DTWD2: variants seen among roughly 807,000 people sequenced by gnomAD.
The protein encoded by DTWD2 is tRNA-uridine aminocarboxypropyltransferase 2.
In DTWD2, 39 loss-of-function variants were observed where a neutral mutation model predicts 31.8. The observed-to-expected ratio is 1.22, with a 90% CI of 0.95 to 1.60. The LOEUF is 1.60. Among genes scored for constraint, DTWD2 ranks in the 40% most tolerant of loss-of-function variants. The pLI, the probability that DTWD2 is intolerant of heterozygous loss-of-function variation, is 0.00. For synonymous variants in DTWD2, 180 were observed against 142.8 expected, an observed-to-expected ratio of 1.26 and a Z score of -1.86; for missense variants, 515 against 381.5, an observed-to-expected ratio of 1.35 and a Z score of -2.92.
intron 4 of DTWD2, among the ~76,000 whole-genome samples, chr5:118,868,772 G>A (rs989575322): frequency 6.7e-5 from 10 of 150,326 alleles, no homozygotes; most frequent in Admixed American, 2.7e-4. Context: ...CTGGGAAGTC[G>A]AGGCTGCAGT....
chr5:118,891,510 G>A (rs1258544101), intron 4 of DTWD2, among the ~76,000 whole-genome samples: 1 of 152,116 alleles, frequency 6.6e-6, no homozygotes, highest in African/African-American at 2.4e-5. Flanking sequence ...ATACACTGCT[G>A]CTCACAGCCT....
intron 4 of DTWD2, among the ~76,000 whole-genome samples, chr5:118,875,563 G>GAAAAAAAAAAAAAAAAAAAAAAAAAATAA (rs34990814): frequency 2.2e-5 from 1 of 44,554 alleles, no homozygotes; most frequent in East Asian, 7.4e-4. Flanking sequence ...CCTAGTTTCT[G>GAAAAAAAAAAAAAAAAAAAAAAAAAATAA]AAAAAAAAAA....
intron 4 of DTWD2, among the ~76,000 whole-genome samples, chr5:118,860,488 T>G (rs1021606346): frequency 6.6e-6 from 1 of 152,126 alleles, no homozygotes; most frequent in African/African-American, 2.4e-5. Context: ...TTTGCTATTT[T>G]AAGAAAAATA....
rs116063161 is a variant in DTWD2 at position 118,895,794 on chromosome 5, G to C, written c.597+32743C>G. Among the ~76,000 whole-genome samples, 794 of 152,120 alleles carry C rather than the reference G, an allele frequency of 5.2e-3. 9 individuals are homozygous for C. Among genetic ancestry groups the C allele is most frequent in the African/African-American group, 0.018 (753 of 41,508 alleles). On this transcript the variant is annotated intron_variant, in intron 4 of 5. Coordinates refer to ENST00000510708, the MANE Select transcript of DTWD2 (RefSeq NM_173666.4). ...CAGTCTCTTTAATAAATGGTGATGG[G>C]AAAACTGGATATCCACATGCAGAAG...
chr5:118,900,588 T>C (rs966440835), intron 4 of DTWD2, among the ~76,000 whole-genome samples: 8 of 152,162 alleles, frequency 5.3e-5, no homozygotes, highest in Non-Finnish European at 1.0e-4. Context: ...ATAGACTGGA[T>C]AACAGAGCTA....
chr5:118,888,773 T>C (rs1482223381), intron 4 of DTWD2, among the ~76,000 whole-genome samples: 1 of 152,234 alleles, frequency 6.6e-6, no homozygotes, highest in Non-Finnish European at 1.5e-5. Flanking sequence ...ACACATGGCA[T>C]GACAGCTTTT....
At chr5:118,988,174 G>A (rs1755472243) in intron 1 of DTWD2, 120 bp downstream of exon 1, 3 of 1,265,648 alleles carry the variant, frequency 2.4e-6, no homozygotes, top group African/African-American at 2.9e-5. Context: ...ACGTGCACCC[G>A]CCAACTCCGC....
At chr5:118,854,262 T>G (rs1037844572) in intron 4 of DTWD2, among the ~76,000 whole-genome samples, 2 of 152,162 alleles carry the variant, frequency 1.3e-5, no homozygotes, top group African/African-American at 4.8e-5. Context: ...ATGTCATGCT[T>G]ATCTAATCCT....
chr5:118,864,387 G>T (rs889453688), intron 4 of DTWD2, among the ~76,000 whole-genome samples: 7 of 151,372 alleles, frequency 4.6e-5, no homozygotes, highest in Admixed American at 1.3e-4. Flanking sequence ...TTGTGGGGTG[G>T]GGGGAAGGAG....
intron 5 of DTWD2, among the ~76,000 whole-genome samples, chr5:118,841,898 A>G (rs1439405845): frequency 6.6e-6 from 1 of 152,224 alleles, no homozygotes; most frequent in Non-Finnish European, 1.5e-5. Flanking sequence ...TTAATTAAAC[A>G]GATTGTTAAA....
chr5:118,873,697 G>A (rs1343650753), intron 4 of DTWD2, among the ~76,000 whole-genome samples: 1 of 152,148 alleles, frequency 6.6e-6, no homozygotes, highest in Non-Finnish European at 1.5e-5. Context: ...GCTTTCACCA[G>A]CAACTCACAC....
intron 4 of DTWD2, among the ~76,000 whole-genome samples, chr5:118,884,478 G>A (rs185265596): frequency 8.0e-4 from 121 of 152,116 alleles, no homozygotes; most frequent in Non-Finnish European, 1.4e-3. Flanking sequence ...CTAAATTATC[G>A]ACACACTCAT....
chr5:118,895,622 C>G (rs1753068639), intron 4 of DTWD2, among the ~76,000 whole-genome samples: 1 of 152,142 alleles, frequency 6.6e-6, no homozygotes, highest in Non-Finnish European at 1.5e-5. Context: ...CACTATAAAG[C>G]TATAGCAACC....
At chr5:118,981,673 A>C (rs1467360943) in intron 1 of DTWD2, among the ~76,000 whole-genome samples, 1 of 152,050 alleles carries the variant, frequency 6.6e-6, no homozygotes, top group Non-Finnish European at 1.5e-5. Flanking sequence ...TGATCCTCCC[A>C]CCTCAGCCTC....
chr5:118,972,758 T>C (rs1006798122), intron 1 of DTWD2, among the ~76,000 whole-genome samples: 2 of 152,144 alleles, frequency 1.3e-5, no homozygotes, highest in Admixed American at 1.3e-4. Flanking sequence ...CAGCAGCACA[T>C]CAAAAAGCTT....
chr5:118,905,511 T>C (rs1753307946), intron 4 of DTWD2, among the ~76,000 whole-genome samples: 1 of 152,162 alleles, frequency 6.6e-6, no homozygotes, highest in South Asian at 2.1e-4. Flanking sequence ...TCCTGCTCTA[T>C]TTTCTAAGAT....
intron 1 of DTWD2, among the ~76,000 whole-genome samples, chr5:118,955,782 C>T (rs986583156): frequency 8.1e-4 from 122 of 151,040 alleles, no homozygotes; most frequent in African/African-American, 2.5e-3. Context: ...GACAACACAG[C>T]AAGACCCCTA....
chr5:118,950,213 C>CAAAAAAAAA (rs764214153), intron 1 of DTWD2, among the ~76,000 whole-genome samples: 1 of 49,596 alleles, frequency 2.0e-5, no homozygotes. Flanking sequence ...ACTCCATCTC[C>CAAAAAAAAA]AAAAAAAAAA....
At chr5:118,982,032 T>A (rs1314312619) in intron 1 of DTWD2, among the ~76,000 whole-genome samples, 1 of 152,230 alleles carries the variant, frequency 6.6e-6, no homozygotes, top group Non-Finnish European at 1.5e-5. Flanking sequence ...ATTAGTCATC[T>A]GACCTAAAGA....
Sources: gnomAD v4.1 joint callset for allele counts (sites outside exome capture counted in the v4.1 genomes callset) on GRCh38, gnomAD v4.1.1 for gene constraint, MANE v1.5 for transcripts, NCBI Gene and HGNC (gene_info 2026-07-23, HGNC 2026-07-21) for gene names.